Variants in DAB1 observed in about 807,000 individuals in gnomAD.
DAB1 encodes the protein disabled homolog 1.
Under a neutral mutation model 64.6 loss-of-function variants are expected in DAB1, and 15 were observed. The ratio of observed to expected loss-of-function variants is 0.23; its 90% CI spans 0.16 to 0.36. DAB1 has a LOEUF of 0.36. Among genes scored for constraint, DAB1 ranks in the 10% least tolerant of loss-of-function variants. The probability of loss-of-function intolerance (pLI) is 1.00; values close to 1 mark genes in which losing one functional copy is unlikely to be tolerated. For missense variants in DAB1, 596 were observed against 706.7 expected (o/e 0.84, Z 1.78); for synonymous variants, 235 against 251.9 (o/e 0.93, Z 0.64).
chr1:57,166,206 A>T (rs1261893551), intron 2 of DAB1, among the ~76,000 whole-genome samples: 3 of 152,172 alleles, frequency 2.0e-5, no homozygotes, highest in African/African-American at 7.2e-5. Context: ...GAGTTAAAAA[A>T]GCTTACAATA....
At chr1:57,790,486 T>C (rs1414127860) in intron 6 of DAB1, among the ~76,000 whole-genome samples, 1 of 152,108 alleles carries the variant, frequency 6.6e-6, no homozygotes, top group Non-Finnish European at 1.5e-5. Flanking sequence ...TTCTTCATAG[T>C]AGCATGAAAA....
intron 4 of DAB1, among the ~76,000 whole-genome samples, chr1:58,157,036 A>G (rs1655263200): frequency 6.6e-6 from 1 of 152,172 alleles, no homozygotes; most frequent in Non-Finnish European, 1.5e-5. Context: ...ACAGAGTCAC[A>G]TGGTGATTTG....
chr1:57,915,725 A>G (rs1644717051), intron 5 of DAB1, among the ~76,000 whole-genome samples: 1 of 152,194 alleles, frequency 6.6e-6, no homozygotes, highest in Non-Finnish European at 1.5e-5. Flanking sequence ...TATGTGTGTG[A>G]CGTAGACGGG....
At chr1:57,507,367 G>A (rs1644356296) in intron 7 of DAB1, among the ~76,000 whole-genome samples, 1 of 152,186 alleles carries the variant, frequency 6.6e-6, no homozygotes, top group Non-Finnish European at 1.5e-5. Flanking sequence ...TTAATCACAA[G>A]GTTATTCCAG....
intron 4 of DAB1, among the ~76,000 whole-genome samples, chr1:58,192,753 G>A (rs892953331): frequency 6.6e-6 from 1 of 152,126 alleles, no homozygotes; most frequent in Non-Finnish European, 1.5e-5. Context: ...ATTGTGAATA[G>A]TGCTGCAATA....
intron 5 of DAB1, among the ~76,000 whole-genome samples, chr1:57,983,137 C>T (rs1196227597): frequency 6.6e-6 from 1 of 152,164 alleles, no homozygotes; most frequent in Admixed American, 6.6e-5. Context: ...AAAACACAGA[C>T]AGAGATAAGT....
In DAB1 at chr1:58,491,519, C is replaced by T. The variant is rs1022078720; in HGVS notation, n.257+14541G>A. Among the ~76,000 whole-genome samples, 225 of 152,214 alleles carry T rather than the reference C, an allele frequency of 1.5e-3. 1 individual carries two copies. The highest frequency in any genetic ancestry group is 2.8e-3 in the Non-Finnish European group (192 of 68,030). ...ATCAGTGTGCTGTATTCAGGAAACC[C>T]ATCTCACGTGCAGAGACACACATAG... On this transcript the variant is annotated intron_variant and non_coding_transcript_variant, in intron 3 of 20. Transcript: ENST00000485760.
chr1:57,880,787 A>G (rs1391668494), intron 1 of DAB1: 1 of 152,240 alleles, frequency 6.6e-6, no homozygotes, highest in Non-Finnish European at 1.5e-5. Flanking sequence ...TTTTAAAAGA[A>G]TATGTTTGCA....
rs535893825 is a variant in DAB1, at chr1:57,377,775, G to A, written c.-137+46155C>T. 5.3e-5 allele frequency among the ~76,000 whole-genome samples: 8 copies of A among 152,270 alleles called. No individual in the cohort carries two copies. The South Asian group carries it at 1.2e-3, about 24-fold the overall frequency. ...TCATAAAGGGACCGTCTGCAAAGGC[G>A]TGGGCAGAGTTATGGGGAAGCTGCA... On this transcript the variant is annotated intron_variant, in intron 1 of 14. Coordinates refer to ENST00000371236, the MANE Select transcript of DAB1 (RefSeq NM_001365792.1).
chr1:57,509,945 A>G (rs1220616316), intron 7 of DAB1, among the ~76,000 whole-genome samples: 1 of 152,212 alleles, frequency 6.6e-6, no homozygotes, highest in Non-Finnish European at 1.5e-5. Flanking sequence ...AATTTCTCTA[A>G]TAATTTGCTC....
intron 1 of DAB1, among the ~76,000 whole-genome samples, chr1:57,327,510 G>A (rs1181330802): frequency 6.6e-6 from 1 of 152,052 alleles, no homozygotes; most frequent in Non-Finnish European, 1.5e-5. Flanking sequence ...CGGCAGATGG[G>A]GCCTCTTCAG....
chr1:57,980,912 T>TATACAC (rs368714238), intron 5 of DAB1, among the ~76,000 whole-genome samples: 1 of 149,708 alleles, frequency 6.7e-6, no homozygotes, highest in East Asian at 2.0e-4. Flanking sequence ...TATATATATA[T>TATACAC]ACACACACAC....
chr1:58,210,623 G>T (rs756451251), intron 4 of DAB1, among the ~76,000 whole-genome samples: 17 of 152,114 alleles, frequency 1.1e-4, no homozygotes, highest in Non-Finnish European at 2.1e-4. Context: ...GGTCTAAAAG[G>T]CTTTTATTTG....
chr1:58,019,684 G>C (rs193172861), intron 5 of DAB1, among the ~76,000 whole-genome samples: 1 of 152,186 alleles, frequency 6.6e-6, no homozygotes, highest in East Asian at 1.9e-4. Flanking sequence ...TTTGAACCCA[G>C]GTCTGTCTGA....
At chr1:58,187,328 C>T (rs912811053) in intron 4 of DAB1, among the ~76,000 whole-genome samples, 1 of 149,336 alleles carries the variant, frequency 6.7e-6, no homozygotes, top group African/African-American at 2.5e-5. Flanking sequence ...AAAAAATAAA[C>T]TAGCCAGGCT....
intron 7 of DAB1, among the ~76,000 whole-genome samples, chr1:57,606,697 ATATGAAATATATATG>A (rs1484708908): frequency 1.6e-5 from 2 of 123,036 alleles, no homozygotes; most frequent in Non-Finnish European, 3.3e-5. Flanking sequence ...TGAAATATAT[ATATGAAATATATATG>A]TATGAAATAT....
At chr1:57,977,828 A>G (rs559132928) in intron 5 of DAB1, among the ~76,000 whole-genome samples, 2 of 152,302 alleles carry the variant, frequency 1.3e-5, no homozygotes, top group East Asian at 3.9e-4. Context: ...CTACAAAGAG[A>G]ATAAAATACC....
intron 2 of DAB1, among the ~76,000 whole-genome samples, chr1:58,507,302 C>T (rs546700076): frequency 6.6e-6 from 1 of 151,832 alleles, no homozygotes; most frequent in African/African-American, 2.4e-5. Flanking sequence ...ACTATACTGA[C>T]TAAAATGTAC....
chr1:58,160,840 A>G (rs1165479487), intron 4 of DAB1, among the ~76,000 whole-genome samples: 1 of 152,184 alleles, frequency 6.6e-6, no homozygotes, highest in Non-Finnish European at 1.5e-5. Context: ...ATACCAATCC[A>G]GTGCTTCTTC....
Sources: gnomAD v4.1 joint callset for allele counts (sites outside exome capture counted in the v4.1 genomes callset) on GRCh38, gnomAD v4.1.1 for gene constraint, MANE v1.5 for transcripts, NCBI Gene and HGNC (gene_info 2026-07-23, HGNC 2026-07-21) for gene names.